The following RGL1 variants were observed in gnomAD, a reference collection of about 807,000 sequenced individuals.
RGL1 encodes ral guanine nucleotide dissociation stimulator-like 1.
RGL1 carries 24 observed loss-of-function variants against 95.2 expected under a neutral mutation model. The ratio of observed to expected loss-of-function variants is 0.25; its 90% CI spans 0.18 to 0.35. The LOEUF (loss-of-function observed/expected upper bound fraction) is 0.35. Among genes scored for constraint, RGL1 ranks in the 10% least tolerant of loss-of-function variants. The pLI is 1.00. For missense variants in RGL1, 715 were observed against 936.3 expected (o/e 0.76, Z 3.08); for synonymous variants, 329 against 344.9 (o/e 0.95, Z 0.51).
chr1:183,840,153 G>A (rs971904147), intron 2 of RGL1, among the ~76,000 whole-genome samples: 4 of 152,192 alleles, frequency 2.6e-5, no homozygotes, highest in African/African-American at 9.7e-5. Context: ...CTGGGTGTGG[G>A]CCAGGACCCC....
intron 3 of RGL1, among the ~76,000 whole-genome samples, chr1:183,855,014 C>G (rs1665046031): frequency 6.6e-6 from 1 of 152,126 alleles, no homozygotes; most frequent in Non-Finnish European, 1.5e-5. Flanking sequence ...TCATGACTGT[C>G]TTTCCCACTC....
intron 2 of RGL1, among the ~76,000 whole-genome samples, chr1:183,843,028 C>A (rs1306676216): frequency 1.3e-5 from 2 of 152,266 alleles, no homozygotes; most frequent in African/African-American, 4.8e-5. Flanking sequence ...GTTTTTGTTT[C>A]ATAAGAAATG....
chr1:183,823,115 G>T (rs1481319849), intron 2 of RGL1, among the ~76,000 whole-genome samples: 1 of 151,966 alleles, frequency 6.6e-6, no homozygotes, highest in Admixed American at 6.5e-5. Flanking sequence ...TTCTTAGAAT[G>T]AACTGTATGA....
intron 1 of RGL1, among the ~76,000 whole-genome samples, chr1:183,666,796 T>A (rs1333812197): frequency 6.6e-6 from 1 of 151,930 alleles, no homozygotes; most frequent in Non-Finnish European, 1.5e-5. Context: ...TGGTAAGTGT[T>A]TCCTGTTAGC....
chr1:183,793,777 A>C (rs925336783), intron 2 of RGL1, among the ~76,000 whole-genome samples: 2 of 152,184 alleles, frequency 1.3e-5, no homozygotes, highest in African/African-American at 4.8e-5. Context: ...GAGGAAAAGA[A>C]ACTCTAATAC....
rs149813910 is a variant in RGL1, at chr1:183,723,142, G to A, written c.-32-18984G>A. On this transcript the variant is annotated intron_variant, in intron 1 of 18. Transcript: ENST00000304685. ...CAAGGTAGACAAATAAGATAAAGAT[G>A]CGTATTAAAAGCCCTAGATGAATCA... Among the ~76,000 whole-genome samples, 8 of 152,196 alleles carry A rather than the reference G, an allele frequency of 5.3e-5. No homozygotes were observed. In the East Asian group the frequency reaches 1.5e-3, roughly 29 times the overall value.
chr1:183,674,647 G>A (rs1652698890), intron 1 of RGL1, among the ~76,000 whole-genome samples: 1 of 152,154 alleles, frequency 6.6e-6, no homozygotes, highest in Admixed American at 6.5e-5. Flanking sequence ...AATAACCCCT[G>A]GTCTTCTGCC....
intron 2 of RGL1, chr1:183,742,405 C>A: frequency 8.6e-7 from 1 of 1,166,392 alleles, no homozygotes; most frequent in Non-Finnish European, 1.3e-6. Context: ...TATTCAGGGG[C>A]TGTAGGCACA....
intron 15 of RGL1, among the ~76,000 whole-genome samples, chr1:183,914,841 A>T (rs548394625): frequency 2.6e-5 from 4 of 152,172 alleles, no homozygotes; most frequent in African/African-American, 7.2e-5. Flanking sequence ...TAGAGTTTGG[A>T]TAGAGGAACA....
chr1:183,665,828 C>G (rs1379512697), intron 1 of RGL1, among the ~76,000 whole-genome samples: 2 of 151,984 alleles, frequency 1.3e-5, no homozygotes, highest in African/African-American at 4.8e-5. Flanking sequence ...TAAAGAAAAC[C>G]TATCAGCTTT....
chr1:183,894,581 A>G (rs1015552791), intron 9 of RGL1, among the ~76,000 whole-genome samples: 4 of 152,150 alleles, frequency 2.6e-5, no homozygotes, highest in African/African-American at 9.7e-5. Flanking sequence ...AAATGGAATC[A>G]CAAGGTACTT....
At chr1:183,735,558 G>C (rs930185690) in intron 1 of RGL1, among the ~76,000 whole-genome samples, 2 of 152,124 alleles carry the variant, frequency 1.3e-5, no homozygotes, top group Admixed American at 6.6e-5. Flanking sequence ...GCAATACTCA[G>C]GATATAACTG....
intron 1 of RGL1, among the ~76,000 whole-genome samples, chr1:183,659,227 GAGA>G (rs1238366396): frequency 6.6e-6 from 1 of 152,214 alleles, no homozygotes; most frequent in East Asian, 1.9e-4. Context: ...GACGAATTGA[GAGA>G]AGAAGGCTTC....
rs1406142097 is a variant in RGL1, at chr1:183,724,355, G to T, written c.-32-17771G>T. Among the ~76,000 whole-genome samples, 1 of 152,158 alleles carries T rather than the reference G, an allele frequency of 6.6e-6. No homozygotes were observed. Among genetic ancestry groups the T allele is most frequent in the Non-Finnish European group, 1.5e-5 (1 of 68,022 alleles). On this transcript the variant is annotated intron_variant, in intron 1 of 18. Transcript: ENST00000304685. The surrounding 1 kb of genome is among the most constrained non-coding windows in gnomAD (Gnocchi z 4.1). ...GCCACAGCAGGGTAGAGCACTAAGT[G>T]GGCTCTTGGGGTCCCCAGTTCCAAG...
intron 2 of RGL1, among the ~76,000 whole-genome samples, chr1:183,844,835 T>TC (rs1664308182): frequency 2.0e-5 from 3 of 152,166 alleles, no homozygotes; most frequent in Admixed American, 2.0e-4. Context: ...CTGAACCAGA[T>TC]CCCTCTCCCT....
chr1:183,902,474 C>A, intron 11 of RGL1, 94 bp from the exon 12 acceptor site: 3 of 917,298 alleles, frequency 3.3e-6, no homozygotes, highest in Non-Finnish European at 3.3e-6. Context: ...GACTTTATCA[C>A]CCCTTTGATC....
intron 1 of RGL1, among the ~76,000 whole-genome samples, chr1:183,671,136 C>T (rs1652421355): frequency 6.6e-6 from 1 of 152,158 alleles, no homozygotes; most frequent in African/African-American, 2.4e-5. Context: ...AGAATTCACC[C>T]ACTATCATGA....
chr1:183,748,389 T>G, intron 2 of RGL1, among the ~76,000 whole-genome samples: 1 of 140,354 alleles, frequency 7.1e-6, no homozygotes, highest in South Asian at 2.3e-4. Context: ...TTTGCTTCTC[T>G]AGTTCTTTTT....
intron 2 of RGL1, among the ~76,000 whole-genome samples, chr1:183,842,476 C>T (rs1664127514): frequency 6.6e-6 from 1 of 152,124 alleles, no homozygotes; most frequent in Non-Finnish European, 1.5e-5. Flanking sequence ...CTCTCCGTCT[C>T]ATGCCAAAAT....
Sources: gnomAD v4.1 joint callset for allele counts (sites outside exome capture counted in the v4.1 genomes callset) on GRCh38, gnomAD v4.1.1 for gene constraint, Gnocchi (gnomAD v3.1) non-coding constraint, MANE v1.5 for transcripts, NCBI Gene and HGNC (gene_info 2026-07-23, HGNC 2026-07-21) for gene names.